Variants in HCN1 observed in about 807,000 individuals in gnomAD.
HCN1 encodes the protein hyperpolarization activated cyclic nucleotide gated potassium channel 1, also known as potassium/sodium hyperpolarization-activated cyclic nucleotide-gated channel 1.
In HCN1, 13 loss-of-function variants were observed where a neutral mutation model predicts 78.9. That is an observed-to-expected ratio of 0.16 (90% CI 0.11 to 0.26). The LOEUF is 0.26. Ranked by LOEUF, HCN1 falls within the 10% of genes least tolerant of loss-of-function variation. HCN1 has a pLI of 1.00. For synonymous variants in HCN1, 552 were observed against 455.5 expected (o/e 1.21, Z -2.70); for missense variants, 810 against 1,154.3 (o/e 0.70, Z 4.32).
At chr5:45,529,291 T>C (rs942632487) in intron 2 of HCN1, among the ~76,000 whole-genome samples, 2 of 152,160 alleles carry the variant, frequency 1.3e-5, no homozygotes, top group Non-Finnish European at 2.9e-5. Context: ...ATTCTTTCAA[T>C]ATTTATGAGC....
chr5:45,394,190 C>T (rs1016066032), intron 4 of HCN1, among the ~76,000 whole-genome samples: 5 of 152,144 alleles, frequency 3.3e-5, no homozygotes, highest in East Asian at 1.9e-4. Context: ...AAATAGTCTG[C>T]GAACGCTGGA....
At chr5:45,588,537 G>A (rs1744288071) in intron 2 of HCN1, among the ~76,000 whole-genome samples, 1 of 152,152 alleles carries the variant, frequency 6.6e-6, no homozygotes, top group South Asian at 2.1e-4. Flanking sequence ...TAGAATTCCT[G>A]ACCCCCTCCT....
rs1282111033 is a variant in HCN1 at position 45,492,527 on chromosome 5, T to TG, written c.850-30521_850-30520insC. On this transcript the variant is annotated intron_variant, in intron 2 of 7. Transcript: ENST00000303230. ...CCAGCAACAGTTTTTTTGTTTTTTT[T>TG]TTTTTTTTTTGAGACAAGAGCCTTG... Among the ~76,000 whole-genome samples the TG allele has an allele frequency of 7.4e-4, 107 of 144,650 alleles. 1 individual carries two copies. Among genetic ancestry groups the TG allele is most frequent in the African/African-American group, 2.7e-3 (106 of 39,724 alleles). The allele number at this position is 144,650 out of a possible 152,430, so 94.9% of individuals were successfully genotyped here. A position where few individuals can be genotyped will look rare whatever the true frequency, so the allele number is the denominator to read the frequency against.
chr5:45,437,178 T>C (rs1037059825), intron 3 of HCN1, among the ~76,000 whole-genome samples: 3 of 152,224 alleles, frequency 2.0e-5, no homozygotes, highest in African/African-American at 7.2e-5. Flanking sequence ...AATAGGGTAC[T>C]AATTTAATAC....
intron 1 of HCN1, among the ~76,000 whole-genome samples, chr5:45,682,467 G>A (rs1739723204): frequency 6.6e-6 from 1 of 151,470 alleles, no homozygotes; most frequent in Non-Finnish European, 1.5e-5. Context: ...GTTTTTTATA[G>A]GGCACATAGG....
chr5:45,674,761 T>C (rs1328867233), intron 1 of HCN1, among the ~76,000 whole-genome samples: 1 of 151,652 alleles, frequency 6.6e-6, no homozygotes, highest in East Asian at 1.9e-4. Context: ...TAAGAAAGTA[T>C]AGAATAAATG....
intron 2 of HCN1, among the ~76,000 whole-genome samples, chr5:45,613,068 T>C (rs954489072): frequency 4.0e-5 from 6 of 151,866 alleles, no homozygotes; most frequent in Non-Finnish European, 5.9e-5. Context: ...GTTAGTTACA[T>C]ATGTATACAT....
At chr5:45,506,032 G>A (rs1264658192) in intron 2 of HCN1, among the ~76,000 whole-genome samples, 1 of 151,998 alleles carries the variant, frequency 6.6e-6, no homozygotes, top group Non-Finnish European at 1.5e-5. Flanking sequence ...ATGTAACAAG[G>A]ATAGTATAGT....
At chr5:45,311,596 A>G (rs1745852836) in intron 5 of HCN1, among the ~76,000 whole-genome samples, 1 of 152,186 alleles carries the variant, frequency 6.6e-6, no homozygotes, top group Non-Finnish European at 1.5e-5. Context: ...TTGTTGCTTT[A>G]GTGTTGATAA....
At chr5:45,474,271 C>A (rs1579917401) in intron 2 of HCN1, among the ~76,000 whole-genome samples, 1 of 152,010 alleles carries the variant, frequency 6.6e-6, no homozygotes, top group Admixed American at 6.6e-5. Context: ...TTCCCTATTT[C>A]ATCCTCTACA....
At chr5:45,534,674 A>G (rs1358542061) in intron 2 of HCN1, among the ~76,000 whole-genome samples, 1 of 151,956 alleles carries the variant, frequency 6.6e-6, no homozygotes, top group Non-Finnish European at 1.5e-5. Context: ...AAGCCAAAAA[A>G]AAAATAAACA....
intron 3 of HCN1, among the ~76,000 whole-genome samples, chr5:45,456,332 T>G (rs781599221): frequency 5.3e-5 from 8 of 152,002 alleles, no homozygotes; most frequent in Non-Finnish European, 8.8e-5. Context: ...AATAATTAGT[T>G]TGCACATATT....
At chr5:45,459,383 C>A (rs1384095871) in intron 3 of HCN1, among the ~76,000 whole-genome samples, 4 of 145,182 alleles carry the variant, frequency 2.8e-5, no homozygotes, top group Non-Finnish European at 6.0e-5. Context: ...AAACCAACTT[C>A]ATATGTAAAT....
chr5:45,456,862 T>C (rs2111613414), intron 3 of HCN1, among the ~76,000 whole-genome samples: 1 of 152,182 alleles, frequency 6.6e-6, no homozygotes, highest in South Asian at 2.1e-4. Flanking sequence ...GGATTTAATA[T>C]GTTATTAATC....
chr5:45,652,500 C>T (rs1745693232), intron 1 of HCN1, among the ~76,000 whole-genome samples: 2 of 151,982 alleles, frequency 1.3e-5, no homozygotes, highest in South Asian at 4.1e-4. Context: ...CTCCTTCAGC[C>T]TCTCCAACCT....
chr5:45,301,918 A>G (rs1745631433), intron 6 of HCN1, among the ~76,000 whole-genome samples: 1 of 152,054 alleles, frequency 6.6e-6, no homozygotes, highest in African/African-American at 2.4e-5. Flanking sequence ...AAATAGTTGC[A>G]TCATATAAAA....
intron 2 of HCN1, among the ~76,000 whole-genome samples, chr5:45,595,277 C>T (rs1744463580): frequency 6.6e-6 from 1 of 152,090 alleles, no homozygotes; most frequent in Non-Finnish European, 1.5e-5. Flanking sequence ...TGGATTCTGG[C>T]CAAGTTGGTA....
At chr5:45,619,462 G>T (rs1046924670) in intron 2 of HCN1, among the ~76,000 whole-genome samples, 1 of 152,062 alleles carries the variant, frequency 6.6e-6, no homozygotes, top group Non-Finnish European at 1.5e-5. Flanking sequence ...ATTAGCTAAA[G>T]CTAGATCAAT....
intron 2 of HCN1, among the ~76,000 whole-genome samples, chr5:45,509,814 G>C (rs536091088): frequency 6.6e-6 from 1 of 152,170 alleles, no homozygotes; most frequent in South Asian, 2.1e-4. Flanking sequence ...TGTGGAACAA[G>C]TAATTATTCT....
Sources: gnomAD v4.1 joint callset for allele counts (sites outside exome capture counted in the v4.1 genomes callset) on GRCh38, gnomAD v4.1.1 for gene constraint, MANE v1.5 for transcripts, NCBI Gene and HGNC (gene_info 2026-07-23, HGNC 2026-07-21) for gene names.